AGGF1: variants seen among roughly 807,000 people sequenced by gnomAD.
AGGF1 encodes the protein angiogenic factor with G-patch and FHA domains 1.
A neutral mutation model predicts 86.5 loss-of-function variants in AGGF1; 56 were observed. That is an observed-to-expected ratio of 0.65 (90% CI 0.52 to 0.81). The LOEUF is 0.81. Among genes scored for constraint, AGGF1 ranks in the 30% least tolerant of loss-of-function variants. The probability of loss-of-function intolerance (pLI) is 0.00; values close to 1 mark genes in which losing one functional copy is unlikely to be tolerated. For missense variants in AGGF1, 816 were observed against 850.9 expected (o/e 0.96, Z 0.51); for synonymous variants, 313 against 297.1 (o/e 1.05, Z -0.55).
At chr5:77,050,449 A>G (rs1747352716) in intron 8 of AGGF1, among the ~76,000 whole-genome samples, 1 of 151,366 alleles carries the variant, frequency 6.6e-6, no homozygotes, top group Admixed American at 6.6e-5. Flanking sequence ...CTGAGTAGCT[A>G]GCACTATAGG....
At chr5:77,032,923 G>T (rs924150290) in intron 1 of AGGF1, among the ~76,000 whole-genome samples, 4 of 151,274 alleles carry the variant, frequency 2.6e-5, no homozygotes, top group African/African-American at 7.3e-5. Context: ...TGTTCACGTG[G>T]ATTTAGTTAT....
intron 11 of AGGF1, among the ~76,000 whole-genome samples, chr5:77,058,012 G>C (rs966076829): frequency 1.3e-5 from 2 of 152,178 alleles, no homozygotes; most frequent in African/African-American, 4.8e-5. Context: ...GAAGATGAGT[G>C]ATTGCTTAGA....
chr5:77,059,031 C>T (rs1747505302), intron 11 of AGGF1, among the ~76,000 whole-genome samples: 1 of 152,026 alleles, frequency 6.6e-6, no homozygotes, highest in Non-Finnish European at 1.5e-5. Flanking sequence ...TTTTAAAAGT[C>T]TCTACATTTC....
chr5:77,059,080 T>G (rs1218911688), intron 11 of AGGF1, among the ~76,000 whole-genome samples: 1 of 152,216 alleles, frequency 6.6e-6, no homozygotes. Flanking sequence ...TATAGGTCCC[T>G]TGGAACTTTC....
intron 4 of AGGF1, among the ~76,000 whole-genome samples, chr5:77,038,603 A>G (rs1377105971): frequency 2.0e-5 from 3 of 152,198 alleles, no homozygotes; most frequent in Non-Finnish European, 4.4e-5. Flanking sequence ...AAAGATGGTG[A>G]GAAATCTAAA....
intron 5 of AGGF1, among the ~76,000 whole-genome samples, chr5:77,040,702 G>T (rs1483133733): frequency 2.0e-5 from 3 of 152,182 alleles, no homozygotes; most frequent in African/African-American, 7.2e-5. Flanking sequence ...TGGTTTATAG[G>T]TTATAAAGGA....
chr5:77,039,634 C>T lies in AGGF1; in HGVS notation c.785C>T (p.Pro262Leu), dbSNP rs757432619. 8.7e-6 allele frequency: 14 copies of T among 1,612,748 alleles called. No individual in the cohort carries two copies. Among genetic ancestry groups the T allele is most frequent in the East Asian group, 2.2e-5 (1 of 44,742 alleles). The change falls in exon 5 of 14, where the codon CCG becomes CTG. Residue 262 changes from proline to leucine, a missense_variant. Pro to Leu is a moderately conservative substitution (Grantham distance 98). Coordinates refer to ENST00000312916, the MANE Select transcript of AGGF1 (RefSeq NM_018046.5). ...FHSRVDLQPY[P>L]TSSTKQSKDK... ...TCTCGAGTAGATTTGCAACCTTATC[C>T]GACTTCTAGCACAAAACAAAGTAAA...
At chr5:77,061,592 C>T (rs1747564980) in intron 12 of AGGF1, 111 bp from the exon 13 acceptor site, 2 of 1,041,050 alleles carry the variant, frequency 1.9e-6, no homozygotes, top group Admixed American at 3.8e-5. Flanking sequence ...TAGGTAATGC[C>T]AAGCGGTTTT....
At chr5:77,047,027 T>C (rs1747268686) in intron 6 of AGGF1, among the ~76,000 whole-genome samples, 1 of 152,230 alleles carries the variant, frequency 6.6e-6, no homozygotes, top group Non-Finnish European at 1.5e-5. Context: ...ACAAGTTGTC[T>C]TTAAAAAGTA....
chr5:77,041,206 T>G (rs1047805953), intron 5 of AGGF1, among the ~76,000 whole-genome samples: 10 of 152,210 alleles, frequency 6.6e-5, no homozygotes, highest in Admixed American at 4.6e-4. Context: ...AAATCAGTTT[T>G]CTGTTTGCTT....
In AGGF1 at chr5:77,030,797, T is replaced by TCGCCGCCGC. The variant is rs753285795; in HGVS notation, c.36_44dup (p.Pro13_Pro15dup). ...CTCGGAGGCGCCGTCCCCGCCGCGG[T>TCGCCGCCGC]CGCCGCCGCCGCCCACCTCCCCCGA... On this transcript the variant is annotated inframe_insertion, in exon 1 of 14. Transcript: ENST00000312916. The TCGCCGCCGC allele has an allele frequency of 1.4e-5, 22 of 1,594,208 alleles. No individual in the cohort carries two copies. Among genetic ancestry groups the TCGCCGCCGC allele is most frequent in the Non-Finnish European group, 1.8e-5 (21 of 1,174,324 alleles).
At position 77,064,049 on chromosome 5, in the gene AGGF1, T is replaced by G. The variant is rs1286440956; in HGVS notation, c.*797T>G. On this transcript the variant is annotated 3_prime_UTR_variant, in exon 14 of 14. Transcript: ENST00000312916. ...AGCCAGGGCCTCAAGCTCAAGATAC[T>G]TATTGAAAACATCCTCAATTGCAAT... 1 of 152,660 alleles carries G rather than the reference T, an allele frequency of 6.6e-6. No homozygotes were observed. The highest frequency in any genetic ancestry group is 1.5e-5 in the Non-Finnish European group (1 of 68,050). The allele number at this position is 152,660 out of a possible 1,614,324, so 9.5% of individuals were successfully genotyped here.
rs1219844932 is a variant in AGGF1 at position 77,046,535 on chromosome 5, A to C, written c.1059A>C (p.Ser353=). The C allele has an allele frequency of 6.2e-7, 1 of 1,613,970 alleles. No individual in the cohort carries two copies. The highest frequency in any genetic ancestry group is 8.5e-7 in the Non-Finnish European group (1 of 1,179,924). The change falls in exon 6 of 14, where the codon TCA becomes TCC. Residue 353 remains serine, a synonymous_variant. Coordinates refer to ENST00000312916, the MANE Select transcript of AGGF1 (RefSeq NM_018046.5). ...ESPLHENISN[S]TSFKDEKIME... ...CTCTTCATGAAAACATCTCTAATTC[A>C]ACATCATTTAAAGATGAGAAAATCA... is the stretch of plus-strand genomic sequence containing the variant.
At chr5:77,059,595 G>T (rs1747517635) in intron 11 of AGGF1, 21 bp from the exon 12 acceptor site, 2 of 1,588,228 alleles carry the variant, frequency 1.3e-6, no homozygotes, top group South Asian at 1.1e-5. Context: ...TTTCCTGAAT[G>T]AATATTTTGT....
intron 4 of AGGF1, among the ~76,000 whole-genome samples, chr5:77,038,335 G>A (rs1316998661): frequency 1.4e-5 from 2 of 139,902 alleles, no homozygotes; most frequent in African/African-American, 4.9e-5. Flanking sequence ...TCTTCTGCCT[G>A]TCTTTCTGTA....
chr5:77,039,574 A>G lies in AGGF1; in HGVS notation c.725A>G (p.Tyr242Cys), dbSNP rs1747028149. Residue 242 changes from tyrosine (Y) to cysteine (C), a missense_variant, in exon 5 of 14, where the codon TAT becomes TGT. By Grantham distance (194) the Tyr-to-Cys change is radical (BLOSUM62 -2). Coordinates refer to ENST00000312916, the MANE Select transcript of AGGF1 (RefSeq NM_018046.5). ...GATCCTTCCACTGGAATTTATTACT[A>G]TTGTGATGTGGAAAGTGGTCGTTAT... is the stretch of plus-strand genomic sequence containing the variant. ...YYDPSTGIYY[Y>C]CDVESGRYQF... 1.2e-6 allele frequency: 2 copies of G among 1,612,792 alleles called. No individual in the cohort carries two copies. Among genetic ancestry groups the G allele is most frequent in the Middle Eastern group, 1.7e-4 (1 of 5,814 alleles).
chr5:77,036,402 A>T (rs529462264), intron 3 of AGGF1, among the ~76,000 whole-genome samples, 154 bp from the exon 4 acceptor site: 1 of 152,230 alleles, frequency 6.6e-6, no homozygotes, highest in African/African-American at 2.4e-5. Context: ...TAAATGTTGT[A>T]ATAAGTGGTT....
intron 11 of AGGF1, among the ~76,000 whole-genome samples, chr5:77,058,417 A>G (rs974164570): frequency 4.6e-5 from 7 of 152,310 alleles, no homozygotes; most frequent in African/African-American, 1.4e-4. Context: ...AGTTGCTGCC[A>G]AAATAACATA....
chr5:77,044,499 A>G (rs538632100), intron 5 of AGGF1, among the ~76,000 whole-genome samples: 62 of 152,328 alleles, frequency 4.1e-4, no homozygotes, highest in Non-Finnish European at 7.5e-4. Context: ...TGAAATATAC[A>G]TATGTGCCTC....
Sources: allele counts gnomAD v4.1 joint callset (sites outside exome capture counted in the v4.1 genomes callset), GRCh38; gene constraint gnomAD v4.1.1; transcripts MANE v1.5; gene names NCBI Gene and HGNC (gene_info 2026-07-23, HGNC 2026-07-21).